Variants in TNIP1 observed in about 807,000 individuals in gnomAD.
TNIP1 encodes the protein TNFAIP3-interacting protein 1.
TNIP1 carries 22 observed loss-of-function variants against 86.6 expected under a neutral mutation model. The observed-to-expected ratio is 0.25, with a 90% CI of 0.18 to 0.36. The LOEUF (loss-of-function observed/expected upper bound fraction) is 0.36. Among genes scored for constraint, TNIP1 ranks in the 10% least tolerant of loss-of-function variants. The probability of loss-of-function intolerance (pLI) is 1.00; values close to 1 mark genes in which losing one functional copy is unlikely to be tolerated. For synonymous variants in TNIP1, 294 were observed against 313.0 expected, an observed-to-expected ratio of 0.94 and a Z score of 0.64; for missense variants, 709 against 820.6, an observed-to-expected ratio of 0.86 and a Z score of 1.66.
chr5:151,081,194 T>G (rs1232605862), upstream of TNIP1: 2 of 151,642 alleles, frequency 1.3e-5, no homozygotes, highest in Non-Finnish European at 2.9e-5. Flanking sequence ...GGGCCCGCGG[T>G]GTCTCTCGTC....
intron 9 of TNIP1, among the ~76,000 whole-genome samples, chr5:151,045,055 C>G (rs73799407): frequency 0.026 from 4,030 of 152,094 alleles, 170 homozygotes; most frequent in African/African-American, 0.087. Context: ...ATGGGAGTCT[C>G]AAAATATCTG....
At chr5:151,032,551 G>A in intron 16 of TNIP1, 168 bp from the exon 17 acceptor site, 2 of 682,374 alleles carry the variant, frequency 2.9e-6, no homozygotes, top group Admixed American at 5.6e-5. Flanking sequence ...GGCTCAGAGG[G>A]GATAACTTGC....
chr5:151,037,193 G>A, intron 12 of TNIP1: 1 of 282,160 alleles, frequency 3.5e-6, no homozygotes, highest in South Asian at 4.6e-5. Flanking sequence ...GAAGGGGCTT[G>A]TCCAAGGTCA....
chr5:151,068,581 G>A (rs1407185020), intron 1 of TNIP1, among the ~76,000 whole-genome samples: 1 of 152,190 alleles, frequency 6.6e-6, no homozygotes, highest in East Asian at 1.9e-4. Context: ...GGCAGTATCT[G>A]GAGTTCAGAG....
intron 7 of TNIP1, among the ~76,000 whole-genome samples, chr5:151,050,852 G>A (rs1003826576): frequency 1.3e-5 from 2 of 149,648 alleles, no homozygotes; most frequent in Admixed American, 1.3e-4. Flanking sequence ...ATTTTTTGTT[G>A]GGGCTGGGGG....
chr5:151,059,819 GAGAGAGAGAGTGTGTGT>G, intron 5 of TNIP1, among the ~76,000 whole-genome samples: 1 of 107,352 alleles, frequency 9.3e-6, no homozygotes, highest in African/African-American at 4.7e-5. Flanking sequence ...GAGAGAGAGA[GAGAGAGAGAGTGTGTGT>G]GTGTGTGTGT....
intron 12 of TNIP1, chr5:151,037,296 G>A (rs1757833047): frequency 6.4e-6 from 1 of 156,796 alleles, no homozygotes; most frequent in African/African-American, 2.4e-5. Flanking sequence ...TGCAGAAGGG[G>A]AAACCTCCCC....
chr5:151,067,826 C>A (rs1220442206), intron 1 of TNIP1, among the ~76,000 whole-genome samples: 2 of 152,192 alleles, frequency 1.3e-5, no homozygotes, highest in Non-Finnish European at 2.9e-5. Flanking sequence ...GAAAGCCTAA[C>A]CCTGACCCAC....
At chr5:151,059,828 AGTGTGTGTGTGTGT>A (rs760868810) in intron 5 of TNIP1, among the ~76,000 whole-genome samples, 5 of 56,388 alleles carry the variant, frequency 8.9e-5, no homozygotes, top group African/African-American at 1.7e-4. Flanking sequence ...AGAGAGAGAG[AGTGTGTGTGTGTGT>A]GTGTGTGTGT....
At chr5:151,046,083 A>G in intron 8 of TNIP1, 133 bp from the exon 9 acceptor site, 1 of 712,822 alleles carries the variant, frequency 1.4e-6, no homozygotes, top group Non-Finnish European at 2.4e-6. Flanking sequence ...ACCCAGCAGG[A>G]CACCACTAAC....
At chr5:151,034,844 T>G in intron 15 of TNIP1, 158 bp downstream of exon 15, 1 of 740,760 alleles carries the variant, frequency 1.3e-6, no homozygotes, top group East Asian at 2.8e-5. Context: ...GGGCACTGCC[T>G]CTGTACCAAT....
chr5:151,072,676 G>A (rs547436277), intron 1 of TNIP1, among the ~76,000 whole-genome samples: 11 of 151,700 alleles, frequency 7.3e-5, no homozygotes, highest in African/African-American at 2.2e-4. Context: ...CCCCCCTCCA[G>A]TCCCCCACCA....
chr5:151,056,843 G>C lies in TNIP1; in HGVS notation c.550C>G (p.Leu184Val), dbSNP rs760513015. The C allele has an allele frequency of 1.2e-6, 2 of 1,604,164 alleles. No homozygotes were observed. Among genetic ancestry groups the C allele is most frequent in the East Asian group, 2.3e-5 (1 of 43,678 alleles). Residue 184 changes from leucine (L) to valine (V), a missense_variant, in exon 6 of 18, where the codon CTG becomes GTG. Leu to Val is a conservative substitution (Grantham distance 32). Transcript: ENST00000521591. ...EPDHGQLFTH[L>V]GRMALEFNRL... The stretch of plus-strand genomic sequence containing the variant: ...TTGAACTCCAGGGCCATGCGGCCCA[G>C]GTGGGTGAAGAGCTGGCCGTGGTCC...
intron 3 of TNIP1, among the ~76,000 whole-genome samples, chr5:151,063,390 G>C (rs540658643): frequency 6.6e-6 from 1 of 152,328 alleles, no homozygotes; most frequent in Admixed American, 6.5e-5. Flanking sequence ...TGGGGCCTCA[G>C]GAGTGCTGAG....
At chr5:151,054,127 G>T (rs1403866449) in intron 6 of TNIP1, among the ~76,000 whole-genome samples, 1 of 152,230 alleles carries the variant, frequency 6.6e-6, no homozygotes, top group Non-Finnish European at 1.5e-5. Context: ...TTTCCTGGTA[G>T]CAGGGGCTGA....
At position 151,050,293 on chromosome 5, in the gene TNIP1, G is replaced by A. The variant is rs545256981; in HGVS notation, c.723-346C>T. ...TCTTCACATTTCTTGTGTAGACCACGGAGACGGTGCGAGCTTGGTGCTAAC... is the reference window on the plus strand; with the variant it reads ...TCTTCACATTTCTTGTGTAGACCACAGAGACGGTGCGAGCTTGGTGCTAAC... On this transcript the variant is annotated intron_variant, in intron 7 of 17. Coordinates refer to ENST00000521591, the MANE Select transcript of TNIP1 (RefSeq NM_006058.5). Among the ~76,000 whole-genome samples, 7 of 152,288 alleles carry A rather than the reference G, an allele frequency of 4.6e-5. No individual in the cohort carries two copies. The South Asian group carries it at 1.0e-3, about 23-fold the overall frequency.
intron 11 of TNIP1, among the ~76,000 whole-genome samples, chr5:151,040,043 G>A (rs1758222621): frequency 1.3e-5 from 2 of 152,220 alleles, no homozygotes; most frequent in African/African-American, 4.8e-5. Flanking sequence ...ACAGTGAGCT[G>A]GGGCTAGAAC....
rs1267502479 is a variant in TNIP1 at position 151,063,667 on chromosome 5, G to A, written c.217C>T (p.Leu73Phe). Residue 73 changes from leucine (L) to phenylalanine (F), a missense_variant, in exon 3 of 18, where the codon CTC (leucine) becomes TTC (phenylalanine). Leu to Phe is a conservative substitution (Grantham distance 22, BLOSUM62 0). Coordinates refer to ENST00000521591, the MANE Select transcript of TNIP1 (RefSeq NM_006058.5). ...AEELVKDNEL[L>F]PPPSPSLGSF... ...CCCAAGGAGGGAGAAGGTGGTGGGA[G>A]CAGCTCGTTGTCCTTCACTAGCTCC... 9.3e-6 allele frequency: 15 copies of A among 1,613,986 alleles called. No homozygotes were observed. The highest frequency in any genetic ancestry group is 2.2e-5 in the East Asian group (1 of 44,886).
rs139116508 is a variant in TNIP1, at chr5:151,062,256, G to A, written c.272-44C>T. 1.2e-4 allele frequency: 194 copies of A among 1,574,724 alleles called. No individual in the cohort carries two copies. In the African/African-American group the frequency reaches 2.2e-3, roughly 18 times the overall value. ...ACAGATGAACTGACTGGGAAGGGGA[G>A]AAGCCCAGGTACCACCCTCTCAAGG... On this transcript the variant is annotated intron_variant, in intron 3 of 17. Coordinates refer to ENST00000521591, the MANE Select transcript of TNIP1 (RefSeq NM_006058.5).
Sources: gnomAD v4.1 joint callset for allele counts (sites outside exome capture counted in the v4.1 genomes callset) on GRCh38, gnomAD v4.1.1 for gene constraint, MANE v1.5 for transcripts, NCBI Gene and HGNC (gene_info 2026-07-23, HGNC 2026-07-21) for gene names.